The following SORCS3 variants were observed in gnomAD, a reference collection of about 807,000 sequenced individuals.
SORCS3 encodes sortilin related VPS10 domain containing receptor 3.
Under a neutral mutation model 146.3 loss-of-function variants are expected in SORCS3, and 57 were observed. The ratio of observed to expected loss-of-function variants is 0.39; its 90% confidence interval spans 0.31 to 0.49. The LOEUF (loss-of-function observed/expected upper bound fraction) is 0.49, where lower values mean the gene tolerates loss of function less well. SORCS3 is among the 20% of genes least tolerant of loss of function. The pLI is 0.92. For synonymous variants in SORCS3, 653 were observed against 618.5 expected (o/e 1.06, Z -0.83); for missense variants, 1,341 against 1,575.5 (o/e 0.85, Z 2.52).
chr10:104,900,623 G>A (rs887812303), intron 2 of SORCS3, among the ~76,000 whole-genome samples: 6 of 151,984 alleles, frequency 3.9e-5, no homozygotes, highest in Admixed American at 1.3e-4. Flanking sequence ...TGGTGCGGAC[G>A]CTCACGCCTG....
At chr10:105,198,752 G>A (rs1298645945) in intron 14 of SORCS3, among the ~76,000 whole-genome samples, 1 of 152,126 alleles carries the variant, frequency 6.6e-6, no homozygotes, top group Non-Finnish European at 1.5e-5. Flanking sequence ...AACCCATGTA[G>A]TTTTACTAAA....
chr10:104,918,943 T>C (rs1271745981), intron 3 of SORCS3, among the ~76,000 whole-genome samples: 1 of 152,232 alleles, frequency 6.6e-6, no homozygotes, highest in African/African-American at 2.4e-5. Flanking sequence ...TGTTTCCTCT[T>C]CGAAAATATC....
At position 104,802,085 on chromosome 10, in the gene SORCS3, G is replaced by A. The variant is rs571040400; in HGVS notation, c.628-40707G>A. Among the ~76,000 whole-genome samples the A allele has an allele frequency of 4.8e-4, 73 of 152,208 alleles. 1 individual carries two copies. Among genetic ancestry groups the A allele is most frequent in the African/African-American group, 1.6e-3 (65 of 41,518 alleles). On this transcript the variant is annotated intron_variant, in intron 1 of 26. Transcript: ENST00000369701. ...TCATTCTTCTTGGTAATTAGTTGTA[G>A]TGATTAGAATAGCTTTTATATTCTA...
At chr10:105,217,711 T>A (rs376162156) in intron 19 of SORCS3, 1 of 431,014 alleles carries the variant, frequency 2.3e-6, no homozygotes. Context: ...TCATTGCTAT[T>A]GGCTGTTGCT....
At chr10:105,147,926 G>A in intron 9 of SORCS3, 130 bp downstream of exon 9, 2 of 694,426 alleles carry the variant, frequency 2.9e-6, no homozygotes, top group East Asian at 2.8e-5. Context: ...ATGACTTTGG[G>A]CAAGGGACTT....
intron 6 of SORCS3, among the ~76,000 whole-genome samples, chr10:105,094,671 G>A (rs2055733527): frequency 1.3e-5 from 2 of 152,308 alleles, no homozygotes; most frequent in South Asian, 2.1e-4. Context: ...CTTTAATGGA[G>A]TTGGGAATAT....
intron 11 of SORCS3, 140 bp downstream of exon 11, chr10:105,159,134 A>G: frequency 1.7e-6 from 1 of 593,660 alleles, no homozygotes; most frequent in Middle Eastern, 4.8e-4. Context: ...AGGGTTCCTC[A>G]ATACCCATCT....
At chr10:105,213,545 G>T (rs1195780633) in intron 17 of SORCS3, among the ~76,000 whole-genome samples, 1 of 152,118 alleles carries the variant, frequency 6.6e-6, no homozygotes, top group African/African-American at 2.4e-5. Flanking sequence ...TTTTTTACCA[G>T]AACATTTGTT....
chr10:104,983,511 TC>T (rs1251999317), intron 4 of SORCS3, among the ~76,000 whole-genome samples: 1 of 152,168 alleles, frequency 6.6e-6, no homozygotes, highest in African/African-American at 2.4e-5. Flanking sequence ...TGATAGAAAT[TC>T]AGCCATGGCA....
chr10:105,212,712 C>T (rs1397022922), intron 17 of SORCS3, among the ~76,000 whole-genome samples: 1 of 152,018 alleles, frequency 6.6e-6, no homozygotes, highest in Non-Finnish European at 1.5e-5. Flanking sequence ...CTTATGTTTA[C>T]AAAATCATCA....
intron 1 of SORCS3, among the ~76,000 whole-genome samples, chr10:104,643,256 A>C (rs1410633802): frequency 6.6e-6 from 1 of 152,196 alleles, no homozygotes; most frequent in Non-Finnish European, 1.5e-5. Context: ...CCGGTGTTTG[A>C]CAAAATTTCT....
chr10:105,119,224 C>T (rs1470719985), intron 7 of SORCS3, among the ~76,000 whole-genome samples: 1 of 152,180 alleles, frequency 6.6e-6, no homozygotes, highest in Non-Finnish European at 1.5e-5. Context: ...GCCTTGGTGG[C>T]TAACGTGAGA....
At chr10:104,859,761 T>C (rs1270524824) in intron 2 of SORCS3, among the ~76,000 whole-genome samples, 1 of 151,888 alleles carries the variant, frequency 6.6e-6, no homozygotes, top group South Asian at 2.1e-4. Context: ...GGGCAAAGGA[T>C]ATGAACAGAC....
intron 2 of SORCS3, among the ~76,000 whole-genome samples, chr10:104,844,105 C>T (rs1266439265): frequency 1.3e-5 from 2 of 152,150 alleles, no homozygotes; most frequent in African/African-American, 2.4e-5. Flanking sequence ...TTGCTCATGT[C>T]GACTGAGGCC....
chr10:104,676,754 T>A (rs1220103930), intron 1 of SORCS3, among the ~76,000 whole-genome samples: 3 of 152,198 alleles, frequency 2.0e-5, no homozygotes, highest in Non-Finnish European at 4.4e-5. Flanking sequence ...GGGCATTGTG[T>A]CTTTTTTCTG....
chr10:105,236,889 A>C (rs545094764), intron 20 of SORCS3, among the ~76,000 whole-genome samples: 27 of 152,234 alleles, frequency 1.8e-4, no homozygotes, highest in Non-Finnish European at 2.9e-4. Context: ...TTTGAAATCT[A>C]CTGTGTATCT....
intron 1 of SORCS3, among the ~76,000 whole-genome samples, chr10:104,762,978 GGGACCCA>G (rs2017139699): frequency 6.6e-6 from 1 of 152,190 alleles, no homozygotes; most frequent in Admixed American, 6.5e-5. Flanking sequence ...GGTTGTGGTA[GGGACCCA>G]GGCGTAAGTA....
intron 1 of SORCS3, among the ~76,000 whole-genome samples, chr10:104,728,024 TA>T (rs1360896344): frequency 2.7e-4 from 7 of 25,696 alleles, no homozygotes; most frequent in South Asian, 9.3e-4. Context: ...ATAACAGTTC[TA>T]TCTATCTATC....
At chr10:105,079,921 G>C (rs912374849) in intron 5 of SORCS3, among the ~76,000 whole-genome samples, 1 of 152,144 alleles carries the variant, frequency 6.6e-6, no homozygotes, top group African/African-American at 2.4e-5. Context: ...GGTGTACCAT[G>C]GTGTATATGT....
Sources: gnomAD v4.1 joint callset for allele counts (sites outside exome capture counted in the v4.1 genomes callset) on GRCh38, gnomAD v4.1.1 for gene constraint, MANE v1.5 for transcripts, NCBI Gene and HGNC (gene_info 2026-07-23, HGNC 2026-07-21) for gene names.